Variants in EYS observed in about 807,000 individuals in gnomAD.
EYS encodes the protein EGF-like photoreceptor maintenance factor.
Under a neutral mutation model 282.1 loss-of-function variants are expected in EYS, and 250 were observed. That is an observed-to-expected ratio of 0.89 (90% CI 0.80 to 0.98). EYS has a LOEUF of 0.98. EYS is among the 50% of genes least tolerant of loss of function. EYS has a pLI of 0.00. For synonymous variants in EYS, 1,355 were observed against 1,282.9 expected (o/e 1.06, Z -1.20); for missense variants, 4,016 against 3,709.0 (o/e 1.08, Z -2.15).
intron 5 of EYS, among the ~76,000 whole-genome samples, chr6:65,447,304 C>G (rs115939018): frequency 7.3e-4 from 103 of 140,186 alleles, no homozygotes; most frequent in Middle Eastern, 3.8e-3. Flanking sequence ...TTCTTTCTCT[C>G]TCTGTGTGTG....
At chr6:65,181,356 T>G (rs564826168) in intron 12 of EYS, among the ~76,000 whole-genome samples, 1 of 151,956 alleles carries the variant, frequency 6.6e-6, no homozygotes, top group South Asian at 2.1e-4. Flanking sequence ...CAAACAAATT[T>G]ACAAGAAAAA....
At chr6:64,976,218 A>C (rs1171305519) in intron 14 of EYS, among the ~76,000 whole-genome samples, 3 of 152,034 alleles carry the variant, frequency 2.0e-5, no homozygotes, top group Admixed American at 6.6e-5. Context: ...TATATTCAAC[A>C]GCCTCTTTTT....
chr6:63,929,572 C>T (rs1552165), intron 35 of EYS, among the ~76,000 whole-genome samples: 48,561 of 152,056 alleles, frequency 0.32, 7,815 homozygotes, highest in Admixed American at 0.39. Context: ...AATCTTAAAA[C>T]TACAGACTGC....
intron 13 of EYS, among the ~76,000 whole-genome samples, chr6:65,010,962 C>T (rs915550174): frequency 6.6e-5 from 10 of 152,042 alleles, no homozygotes; most frequent in East Asian, 3.9e-4. Flanking sequence ...AACCGCCAAG[C>T]GGATATTGAA....
intron 22 of EYS, among the ~76,000 whole-genome samples, chr6:64,759,106 T>C (rs112933183): frequency 0.012 from 1,787 of 152,084 alleles, 43 homozygotes; most frequent in African/African-American, 0.041. Flanking sequence ...TCCACTGCAC[T>C]CCAACCTGGG....
At chr6:65,594,925 T>C (rs1765354936) in intron 2 of EYS, among the ~76,000 whole-genome samples, 1 of 152,138 alleles carries the variant, frequency 6.6e-6, no homozygotes, top group Admixed American at 6.6e-5. Context: ...TAGGGAATCC[T>C]TTCCCCATTT....
intron 26 of EYS, among the ~76,000 whole-genome samples, chr6:64,462,842 C>T (rs1775791062): frequency 1.3e-5 from 2 of 151,590 alleles, no homozygotes; most frequent in South Asian, 2.1e-4. Context: ...AACTGGAATG[C>T]TAATTTTAAT....
chr6:64,959,235 A>G (rs1583333010), intron 14 of EYS, among the ~76,000 whole-genome samples: 1 of 152,204 alleles, frequency 6.6e-6, no homozygotes, highest in Non-Finnish European at 1.5e-5. Flanking sequence ...TAATTCCTCA[A>G]TAATAATTCC....
Position 65,494,766 on chromosome 6 carries a change from A to G in EYS, c.645T>C (p.Asp215=), listed in dbSNP as rs1210277084. Residue 215 remains aspartate, a synonymous_variant, in exon 4 of 43, where the codon GAT becomes GAC. Transcript: ENST00000503581. The stretch of plus-strand genomic sequence containing the variant: ...TTTTACATGGTTTAAAAGAACATGC[A>G]TCAAGTTCCTGGCAGTATTTTCCAG... ...PFSGKYCQEL[D]ACSFKPCKNN... is the part of the protein sequence containing the mutation. 3 of 1,614,110 alleles carry G rather than the reference A, an allele frequency of 1.9e-6. No individual in the cohort carries two copies. The highest frequency in any genetic ancestry group is 2.5e-6 in the Non-Finnish European group (3 of 1,179,974).
intron 12 of EYS, among the ~76,000 whole-genome samples, chr6:65,066,618 T>G (rs562060935): frequency 6.6e-6 from 1 of 152,290 alleles, no homozygotes; most frequent in Non-Finnish European, 1.5e-5. Flanking sequence ...TAATCTTGTC[T>G]CAGTTTTTAG....
intron 12 of EYS, among the ~76,000 whole-genome samples, chr6:65,277,427 G>A (rs1415894629): frequency 6.5e-5 from 5 of 77,344 alleles, no homozygotes; most frequent in East Asian, 2.3e-3. Context: ...GTGAGATTCC[G>A]TCAAAAAAAA....
At chr6:65,093,724 C>A (rs1774639643) in intron 12 of EYS, among the ~76,000 whole-genome samples, 1 of 151,588 alleles carries the variant, frequency 6.6e-6, no homozygotes, top group Non-Finnish European at 1.5e-5. Flanking sequence ...GACAAAATAC[C>A]TATAAAATAG....
At chr6:64,519,983 AACCGTACTTCT>A (rs2150524904) in intron 26 of EYS, among the ~76,000 whole-genome samples, 1 of 151,972 alleles carries the variant, frequency 6.6e-6, no homozygotes, top group South Asian at 2.1e-4. Flanking sequence ...TTTAGCAAGA[AACCGTACTTCT>A]ACCAGAAGCA....
At chr6:64,672,340 C>A (rs1375176749) in intron 22 of EYS, among the ~76,000 whole-genome samples, 1 of 152,134 alleles carries the variant, frequency 6.6e-6, no homozygotes, top group African/African-American at 2.4e-5. Context: ...GATACAAGTA[C>A]GTACAATCTG....
At chr6:65,631,351 T>G (rs189991805) in intron 2 of EYS, among the ~76,000 whole-genome samples, 62 of 152,250 alleles carry the variant, frequency 4.1e-4, no homozygotes, top group African/African-American at 1.5e-3. Flanking sequence ...AAGTACTTAA[T>G]CCACTATGAT....
chr6:64,942,545 T>C (rs1769123692), intron 15 of EYS, among the ~76,000 whole-genome samples: 1 of 149,284 alleles, frequency 6.7e-6, no homozygotes, highest in African/African-American at 2.5e-5. Flanking sequence ...ACATTACAAC[T>C]GATCTCACAG....
chr6:64,459,533 G>A (rs906052354), intron 26 of EYS, among the ~76,000 whole-genome samples: 1 of 152,208 alleles, frequency 6.6e-6, no homozygotes, highest in African/African-American at 2.4e-5. Context: ...AAGGAAGCCA[G>A]TCTGAGTCCC....
At chr6:65,085,808 G>A (rs985526264) in intron 12 of EYS, among the ~76,000 whole-genome samples, 1 of 151,918 alleles carries the variant, frequency 6.6e-6, no homozygotes, top group African/African-American at 2.4e-5. Flanking sequence ...GGACCATTTA[G>A]TTTATTTTTC....
intron 8 of EYS, among the ~76,000 whole-genome samples, chr6:65,378,826 T>G (rs965328547): frequency 6.6e-6 from 1 of 151,214 alleles, no homozygotes; most frequent in Non-Finnish European, 1.5e-5. Context: ...TAAGTGGGAG[T>G]TGAACAATGA....
Sources: gnomAD v4.1 joint callset for allele counts (sites outside exome capture counted in the v4.1 genomes callset) on GRCh38, gnomAD v4.1.1 for gene constraint, MANE v1.5 for transcripts, NCBI Gene and HGNC (gene_info 2026-07-23, HGNC 2026-07-21) for gene names.